Variants in PRKD1 observed in about 807,000 individuals in gnomAD.
PRKD1 encodes the protein protein kinase D1.
In PRKD1, 63 loss-of-function variants were observed where a neutral mutation model predicts 95.9. That is an observed-to-expected ratio of 0.66 (90% confidence interval 0.54 to 0.81). PRKD1 has a LOEUF of 0.81. Ranked by LOEUF, PRKD1 falls within the 30% of genes least tolerant of loss-of-function variation. The pLI, the probability that PRKD1 is intolerant of heterozygous loss-of-function variation, is 0.00. For synonymous variants in PRKD1, 425 were observed against 423.1 expected (o/e 1.00, Z -0.05); for missense variants, 1,048 against 1,165.3 (o/e 0.90, Z 1.47).
At chr14:29,680,249 T>C (rs866884397) in intron 2 of PRKD1, among the ~76,000 whole-genome samples, 7 of 152,226 alleles carry the variant, frequency 4.6e-5, no homozygotes, top group South Asian at 2.1e-4. Context: ...CCCATTGTAC[T>C]GTCCATACCA....
intron 2 of PRKD1, among the ~76,000 whole-genome samples, chr14:29,666,603 G>C (rs925280045): frequency 6.6e-6 from 1 of 152,074 alleles, no homozygotes; most frequent in African/African-American, 2.4e-5. Context: ...AAAGAAGAAA[G>C]TTGATGAATT....
At chr14:29,691,130 G>C (rs1019701496) in intron 2 of PRKD1, among the ~76,000 whole-genome samples, 3 of 152,136 alleles carry the variant, frequency 2.0e-5, no homozygotes, top group African/African-American at 7.2e-5. Context: ...AAATTCAAAT[G>C]CAGGGCGAGA....
rs1353041745 is a variant in PRKD1 at position 29,743,849 on chromosome 14, T to C, written c.265-18175A>G. Among the ~76,000 whole-genome samples, 5 of 152,194 alleles carry C rather than the reference T, an allele frequency of 3.3e-5. No individual in the cohort carries two copies. The East Asian group carries it at 9.6e-4, about 29-fold the overall frequency. ...AGCAGCATGTGACCCAGTGGATCACTCCCTCTTTCAAACAACACACTTTCT... is the reference window on the plus strand; with the variant it reads ...AGCAGCATGTGACCCAGTGGATCACCCCCTCTTTCAAACAACACACTTTCT... On this transcript the variant is annotated intron_variant, in intron 1 of 17. Coordinates refer to ENST00000331968, the MANE Select transcript of PRKD1 (RefSeq NM_002742.3).
chr14:29,637,619 G>T (rs750002719), intron 6 of PRKD1, among the ~76,000 whole-genome samples: 3 of 152,146 alleles, frequency 2.0e-5, no homozygotes, highest in Non-Finnish European at 4.4e-5. Context: ...AAAGTGGGAC[G>T]ATCGCCAAGC....
intron 1 of PRKD1, among the ~76,000 whole-genome samples, chr14:29,863,560 A>C (rs546919168): frequency 6.6e-6 from 1 of 152,182 alleles, no homozygotes; most frequent in Non-Finnish European, 1.5e-5. Context: ...TTTGGCTTTT[A>C]GGACTAAATG....
chr14:29,769,020 G>A (rs1444449623), intron 1 of PRKD1, among the ~76,000 whole-genome samples: 1 of 152,062 alleles, frequency 6.6e-6, no homozygotes, highest in African/African-American at 2.4e-5. Context: ...CTGAAACAGA[G>A]CCAAATGTTA....
At chr14:29,820,205 C>T (rs1484649674) in intron 1 of PRKD1, among the ~76,000 whole-genome samples, 3 of 152,180 alleles carry the variant, frequency 2.0e-5, no homozygotes, top group East Asian at 3.9e-4. Flanking sequence ...TTTCTGGCTA[C>T]TACCCGGGTG....
At chr14:29,644,480 G>A (rs1169669411) in intron 4 of PRKD1, among the ~76,000 whole-genome samples, 2 of 152,142 alleles carry the variant, frequency 1.3e-5, no homozygotes, top group Non-Finnish European at 1.5e-5. Context: ...AGTTCTAACA[G>A]CTGCCATGTG....
rs184434075 is a variant in PRKD1, at chr14:29,861,437, T to C, written c.264+65812A>G. 7.4e-4 allele frequency among the ~76,000 whole-genome samples: 113 copies of C among 152,316 alleles called. No individual in the cohort carries two copies. In the South Asian group the frequency reaches 0.021, roughly 28 times the overall value. ...ATATTTTATTTTTGTGCATATGTAG[T>C]AGATGTATATACTTATGTGGTACAT... is the stretch of plus-strand genomic sequence containing the variant. On this transcript the variant is annotated intron_variant, in intron 1 of 17. Transcript: ENST00000331968.
intron 4 of PRKD1, among the ~76,000 whole-genome samples, chr14:29,662,140 A>G: frequency 1.3e-5 from 2 of 152,300 alleles, no homozygotes; most frequent in South Asian, 4.1e-4. Flanking sequence ...TACATAAGCT[A>G]AATTAGATTT....
At chr14:29,663,641 C>A in intron 4 of PRKD1, 58 bp downstream of exon 4, 1 of 1,574,730 alleles carries the variant, frequency 6.4e-7, no homozygotes, top group East Asian at 2.2e-5. Context: ...ACATTGCTAT[C>A]ACATCACCCC....
intron 4 of PRKD1, among the ~76,000 whole-genome samples, chr14:29,647,724 A>G (rs1030063164): frequency 4.6e-5 from 7 of 152,308 alleles, no homozygotes; most frequent in African/African-American, 1.7e-4. Context: ...TCCCTTCAAA[A>G]ATGGCCCATA....
chr14:29,802,956 C>T (rs1056508761), intron 1 of PRKD1, among the ~76,000 whole-genome samples: 42 of 152,310 alleles, frequency 2.8e-4, no homozygotes, highest in African/African-American at 1.0e-3. Flanking sequence ...ACTATAGCAA[C>T]TCTGGTTTTA....
chr14:29,796,823 T>C (rs1226008944), intron 1 of PRKD1, among the ~76,000 whole-genome samples: 1 of 152,060 alleles, frequency 6.6e-6, no homozygotes, highest in African/African-American at 2.4e-5. Flanking sequence ...TAAAGGAGAA[T>C]TAGAGACAAC....
chr14:29,836,009 G>A (rs923513474), intron 1 of PRKD1, among the ~76,000 whole-genome samples: 40 of 152,284 alleles, frequency 2.6e-4, no homozygotes, highest in African/African-American at 8.9e-4. Flanking sequence ...TTATTTAAAA[G>A]GTATGAGCTA....
chr14:29,898,404 G>A (rs1431867814), intron 1 of PRKD1, among the ~76,000 whole-genome samples: 2 of 152,086 alleles, frequency 1.3e-5, no homozygotes, highest in East Asian at 1.9e-4. Context: ...CTTCAGGGAA[G>A]GGTATAGTAT....
intron 1 of PRKD1, among the ~76,000 whole-genome samples, chr14:29,915,725 G>T (rs777292386): frequency 9.9e-5 from 15 of 152,100 alleles, no homozygotes; most frequent in Non-Finnish European, 2.1e-4. Flanking sequence ...ATACCACACT[G>T]TCAAAGTTTA....
intron 16 of PRKD1, among the ~76,000 whole-genome samples, chr14:29,584,633 C>T (rs542223641): frequency 4.2e-4 from 64 of 152,218 alleles, no homozygotes; most frequent in African/African-American, 1.4e-3. Context: ...ATTTGGCAGA[C>T]TGAATACATT....
intron 1 of PRKD1, among the ~76,000 whole-genome samples, chr14:29,759,464 A>C (rs548071854): frequency 6.6e-6 from 1 of 152,230 alleles, no homozygotes; most frequent in South Asian, 2.1e-4. Context: ...TTCATACTTC[A>C]GATAACCTTA....
Sources: allele counts gnomAD v4.1 joint callset (sites outside exome capture counted in the v4.1 genomes callset), GRCh38; gene constraint gnomAD v4.1.1; transcripts MANE v1.5; gene names NCBI Gene and HGNC (gene_info 2026-07-23, HGNC 2026-07-21).